Variants in AMPH observed in about 807,000 individuals in gnomAD.
AMPH encodes amphiphysin, also known as amphiphysin (Stiff-Mann syndrome with breast cancer 128kD autoantigen).
A neutral mutation model predicts 99.1 loss-of-function variants in AMPH; 49 were observed. That is an observed-to-expected ratio of 0.49 (90% CI 0.39 to 0.63). The LOEUF (loss-of-function observed/expected upper bound fraction) is 0.63. AMPH is among the 20% of genes least tolerant of loss of function. AMPH has a pLI of 0.00. For missense variants in AMPH, 759 were observed against 863.4 expected (o/e 0.88, Z 1.52); for synonymous variants, 314 against 317.3 (o/e 0.99, Z 0.11).
chr7:38,546,136 G>A (rs1056640383), intron 1 of AMPH, among the ~76,000 whole-genome samples: 1 of 152,158 alleles, frequency 6.6e-6, no homozygotes, highest in African/African-American at 2.4e-5. Context: ...TGAGAACCTG[G>A]ACAGAGGGTA....
chr7:38,404,843 CA>C (rs766977251), intron 17 of AMPH, among the ~76,000 whole-genome samples: 1 of 151,928 alleles, frequency 6.6e-6, no homozygotes, highest in African/African-American at 2.4e-5. Context: ...TATTCAGATA[CA>C]AAAAACTCAG....
At chr7:38,554,472 C>A (rs1791292544) in intron 1 of AMPH, among the ~76,000 whole-genome samples, 1 of 152,140 alleles carries the variant, frequency 6.6e-6, no homozygotes, top group Non-Finnish European at 1.5e-5. Flanking sequence ...AGCAATCCTA[C>A]TTCTATAAAT....
At chr7:38,566,850 T>G (rs1408080096) in intron 1 of AMPH, among the ~76,000 whole-genome samples, 4 of 152,158 alleles carry the variant, frequency 2.6e-5, no homozygotes, top group Non-Finnish European at 5.9e-5. Context: ...TATCATCTCA[T>G]GCCAGTTAGA....
chr7:38,512,708 T>C (rs2164836), intron 2 of AMPH, among the ~76,000 whole-genome samples: 130,557 of 152,220 alleles, frequency 0.86, 56,225 homozygotes, highest in Middle Eastern at 0.9. Context: ...CACAGTAATG[T>C]CTGTGACATC....
At chr7:38,422,554 GTATC>G (rs57006229) in intron 15 of AMPH, 77 bp from the exon 16 acceptor site, 40,843 of 781,522 alleles carry the variant, frequency 0.052, 1,527 homozygotes, top group African/African-American at 0.17. Context: ...GTCTGCCTAC[GTATC>G]TATCTATCTA....
chr7:38,574,376 C>T (rs1038941704), intron 1 of AMPH, among the ~76,000 whole-genome samples: 3 of 152,216 alleles, frequency 2.0e-5, no homozygotes, highest in African/African-American at 7.2e-5. Context: ...TCATGCTCTC[C>T]AGCGGCCCCT....
chr7:38,384,611 A>G lies in AMPH; in HGVS notation c.*207T>C, dbSNP rs1443448493. On this transcript the variant is annotated 3_prime_UTR_variant, in exon 21 of 21. Coordinates refer to ENST00000356264, the MANE Select transcript of AMPH (RefSeq NM_001635.4). ...CACAAACAAACCTGTTATTGACAAC[A>G]TGGGAATGAGTGAGGATTTTTTCCT... The G allele has an allele frequency of 2.0e-6, 1 of 493,902 alleles. No individual in the cohort carries two copies. The highest frequency in any genetic ancestry group is 1.9e-5 in the African/African-American group (1 of 52,266). 30.6% of individuals were successfully genotyped at this position (493,902 alleles called of 1,614,324 possible). A position where few individuals can be genotyped will look rare whatever the true frequency, so the allele number is the denominator to read the frequency against.
At chr7:38,601,977 G>A (rs1160546168) in intron 1 of AMPH, among the ~76,000 whole-genome samples, 1 of 152,154 alleles carries the variant, frequency 6.6e-6, no homozygotes, top group African/African-American at 2.4e-5. Flanking sequence ...CTACCTGTGG[G>A]TATCAATGCA....
intron 4 of AMPH, 47 bp downstream of exon 4, chr7:38,494,386 C>A (rs1346706631): frequency 6.6e-7 from 1 of 1,514,692 alleles, no homozygotes; most frequent in Non-Finnish European, 9.2e-7. Flanking sequence ...GACAGGTGGA[C>A]TGAGCAAGGG....
In AMPH at chr7:38,420,848, G is replaced by A. The variant is rs1391900224; in HGVS notation, c.1272+1573C>T. 1.4e-5 allele frequency: 6 copies of A among 413,970 alleles called. No individual in the cohort carries two copies. In the East Asian group the frequency reaches 4.3e-4, roughly 30 times the overall value. 25.6% of individuals were successfully genotyped at this position (413,970 alleles called of 1,614,324 possible). On this transcript the variant is annotated intron_variant, in intron 16 of 20. Coordinates refer to ENST00000356264, the MANE Select transcript of AMPH (RefSeq NM_001635.4). ...GGGTTTAAACCTGTACTCAAAAGAT[G>A]TCCTGCGGGGCTGTATGATGCAGGC...
intron 1 of AMPH, among the ~76,000 whole-genome samples, chr7:38,612,514 G>A (rs1054900495): frequency 6.6e-6 from 1 of 152,122 alleles, no homozygotes; most frequent in South Asian, 2.1e-4. Flanking sequence ...AGCCTAAACA[G>A]TTTTCTCAAA....
chr7:38,562,051 G>A (rs542420968), intron 1 of AMPH, among the ~76,000 whole-genome samples: 47 of 151,364 alleles, frequency 3.1e-4, no homozygotes, highest in African/African-American at 1.0e-3. Flanking sequence ...TGAGGGCCAA[G>A]TAGAAAACAA....
chr7:38,563,188 A>G (rs1259011973), intron 1 of AMPH, among the ~76,000 whole-genome samples: 2 of 152,064 alleles, frequency 1.3e-5, no homozygotes, highest in Non-Finnish European at 2.9e-5. Flanking sequence ...ACTACTTTCC[A>G]TGGTTCACCC....
chr7:38,414,669 ATT>A (rs142785953), intron 17 of AMPH, among the ~76,000 whole-genome samples: 9 of 149,948 alleles, frequency 6.0e-5, no homozygotes, highest in Admixed American at 1.3e-4. Flanking sequence ...ATCATATTGA[ATT>A]TTTTTTTTTT....
chr7:38,491,664 C>T (rs911581361), intron 4 of AMPH, among the ~76,000 whole-genome samples: 2 of 152,202 alleles, frequency 1.3e-5, no homozygotes, highest in Admixed American at 6.5e-5. Context: ...ATTATTACAA[C>T]TAGTATTCCT....
intron 1 of AMPH, among the ~76,000 whole-genome samples, chr7:38,609,062 T>C (rs1429220522): frequency 2.0e-5 from 3 of 152,192 alleles, no homozygotes; most frequent in African/African-American, 7.2e-5. Context: ...CAATCCCATT[T>C]GCTGGAAAGG....
At chr7:38,476,355 GC>G (rs1788085340) in intron 6 of AMPH, among the ~76,000 whole-genome samples, 2 of 152,196 alleles carry the variant, frequency 1.3e-5, no homozygotes, top group African/African-American at 4.8e-5. Context: ...ATAGGAAAAG[GC>G]ATGACTGGAA....
At chr7:38,575,606 G>A (rs1792209761) in intron 1 of AMPH, among the ~76,000 whole-genome samples, 1 of 152,068 alleles carries the variant, frequency 6.6e-6, no homozygotes, top group Admixed American at 6.5e-5. Context: ...TCTCCTTCCT[G>A]CTGTCATGTG....
intron 1 of AMPH, among the ~76,000 whole-genome samples, chr7:38,592,602 G>A (rs1792896452): frequency 6.6e-6 from 1 of 151,976 alleles, no homozygotes; most frequent in South Asian, 2.1e-4. Context: ...ATGGTGGTGG[G>A]CACCTGTAGT....
Sources: gnomAD v4.1 joint callset for allele counts (sites outside exome capture counted in the v4.1 genomes callset) on GRCh38, gnomAD v4.1.1 for gene constraint, MANE v1.5 for transcripts, NCBI Gene and HGNC (gene_info 2026-07-23, HGNC 2026-07-21) for gene names.